MYL6B: variants seen among roughly 807,000 people sequenced by gnomAD.
The protein encoded by MYL6B is myosin light chain 6B.
In MYL6B, 19 loss-of-function variants were observed where a neutral mutation model predicts 24.5. The ratio of observed to expected loss-of-function variants is 0.78; its 90% confidence interval spans 0.54 to 1.14. MYL6B has a LOEUF of 1.14. Among genes scored for constraint, MYL6B ranks in the 50% most tolerant of loss-of-function variants. MYL6B has a pLI of 0.00. For synonymous variants in MYL6B, 90 were observed against 100.7 expected (o/e 0.89, Z 0.64); for missense variants, 230 against 263.8 (o/e 0.87, Z 0.89).
intron 5 of MYL6B, 197 bp from the exon 6 acceptor site, chr12:56,157,271 C>T: frequency 3.6e-6 from 2 of 553,330 alleles, no homozygotes; most frequent in Non-Finnish European, 6.5e-6. Context: ...GTAATCCCAG[C>T]TACTCGGGAG....
At chr12:56,157,292 G>A (rs911458424) in intron 5 of MYL6B, 176 bp from the exon 6 acceptor site, 1 of 599,148 alleles carries the variant, frequency 1.7e-6, no homozygotes, top group Admixed American at 3.0e-5. Context: ...GGTGAGGCAG[G>A]AGAATCGCGT....
intron 1 of MYL6B, among the ~76,000 whole-genome samples, chr12:56,152,844 TACCTA>T (rs1348333613): frequency 2.0e-5 from 3 of 152,098 alleles, no homozygotes; most frequent in African/African-American, 7.2e-5. Context: ...CTCAGAATGC[TACCTA>T]AATCCTTTCC....
chr12:56,153,948 G>C, exon 2 of MYL6B: 1 of 1,613,768 alleles, frequency 6.2e-7, no homozygotes, highest in Non-Finnish European at 8.5e-7. Context: ...TTCCCGTGAA[G>C]AAACCAGCAG....
At chr12:56,157,674 C>A in intron 6 of MYL6B, 24 bp from the exon 7 acceptor site, 1 of 1,613,280 alleles carries the variant, frequency 6.2e-7, no homozygotes, top group Admixed American at 1.7e-5. Context: ...CTTCTGAAGC[C>A]CCTCTTGCCT....
At chr12:56,153,780 A>C in intron 1 of MYL6B, 93 bp from the exon 2 acceptor site, 12 of 834,538 alleles carry the variant, frequency 1.4e-5, no homozygotes, top group East Asian at 2.7e-5. Flanking sequence ...AGGCGGTTAT[A>C]TCTCTCCTCT....
exon 6 of MYL6B, chr12:56,157,483 A>G (rs199563517): frequency 6.2e-7 from 1 of 1,613,956 alleles, no homozygotes; most frequent in Non-Finnish European, 8.5e-7. Context: ...AAGATGACTG[A>G]GGAGGAGGTG....
chr12:56,155,821 G>C, intron 5 of MYL6B: 2 of 1,441,564 alleles, frequency 1.4e-6, no homozygotes, highest in South Asian at 2.7e-5. Flanking sequence ...CGGGAAACCT[G>C]AATTTTCATT....
intron 1 of MYL6B, 120 bp from the exon 2 acceptor site, chr12:56,153,753 G>A: frequency 2.9e-6 from 2 of 688,460 alleles, no homozygotes; most frequent in Non-Finnish European, 4.8e-6. Context: ...ACCATAGGAG[G>A]CCAGGGGAGT....
intron 5 of MYL6B, 125 bp from the exon 6 acceptor site, chr12:56,157,343 C>T (rs887211804): frequency 1.2e-6 from 1 of 844,230 alleles, no homozygotes; most frequent in South Asian, 1.7e-5. Flanking sequence ...GAGATCGCTC[C>T]GCTCCACTGC....
At chr12:56,157,602 G>C in intron 6 of MYL6B, 57 bp downstream of exon 6, 1 of 1,613,188 alleles carries the variant, frequency 6.2e-7, no homozygotes, top group Non-Finnish European at 8.5e-7. Flanking sequence ...CTGGCGTCTT[G>C]CCGCGTGTGG....
intron 1 of MYL6B, 61 bp from the exon 2 acceptor site, chr12:56,153,812 A>G (rs1871199969): frequency 2.2e-5 from 27 of 1,209,968 alleles, no homozygotes; most frequent in Non-Finnish European, 2.9e-5. Flanking sequence ...GCCACAGCCA[A>G]CTGGCTCCCT....
intron 2 of MYL6B, 111 bp downstream of exon 2, chr12:56,154,203 G>A (rs1871220985): frequency 1.8e-6 from 2 of 1,132,380 alleles, no homozygotes; most frequent in Non-Finnish European, 2.5e-6. Flanking sequence ...GCCCTGGAAT[G>A]AGATTGGGGC....
chr12:56,154,740 G>C (rs1036275094), intron 2 of MYL6B, 73 bp from the exon 3 acceptor site: 17 of 1,545,930 alleles, frequency 1.1e-5, no homozygotes, highest in Non-Finnish European at 1.4e-5. Context: ...GTGGCTGCCA[G>C]TTGGTTGGGA....
chr12:56,155,846 T>C, intron 5 of MYL6B: 1 of 1,381,950 alleles, frequency 7.2e-7, no homozygotes, highest in South Asian at 1.4e-5. Context: ...AAGAGACGTG[T>C]GGGTTGTGTG....
At chr12:56,157,809 G>T in exon 7 of MYL6B, 1 of 1,540,438 alleles carries the variant, frequency 6.5e-7, no homozygotes, top group South Asian at 1.1e-5. Flanking sequence ...ACATAGAAAA[G>T]CAGCGGAGTT....
At position 56,157,561 on chromosome 12, in the gene MYL6B, A is replaced by G. The variant is rs1871378570; in HGVS notation, c.598+16A>G. 18 of 1,613,420 alleles carry G rather than the reference A, an allele frequency of 1.1e-5. No individual in the cohort carries two copies. The highest frequency in any genetic ancestry group is 1.5e-5 in the Non-Finnish European group (18 of 1,179,778). On this transcript the variant is annotated intron_variant, in intron 6 of 6. Coordinates refer to ENST00000553066, the Ensembl canonical transcript of MYL6B. The stretch of plus-strand genomic sequence containing the variant: ...AACTACGAGGGTGAGGGGACAAAAA[A>G]GCGGGAGCGGGGCCGAGGGAGGAGG...
At position 56,154,840 on chromosome 12, in the gene MYL6B, G is replaced by A. The variant is rs549333424; in HGVS notation, c.202G>A (p.Glu68Lys). 27 of 1,612,656 alleles carry A rather than the reference G, an allele frequency of 1.7e-5. 1 individual carries two copies. The South Asian group carries it at 2.7e-4, about 16-fold the overall frequency. Residue 68 changes from glutamate (E) to lysine (K), a missense_variant and splice_region_variant, in exon 3 of 7, where the codon GAG becomes AAG. Coordinates refer to ENST00000553066, the Ensembl canonical transcript of MYL6B. The stretch of plus-strand genomic sequence containing the variant: ...CGAGTTTAACAAGGACCAGCTGGAG[G>A]GTGAGGAGAAGCTCATCTAAGGCCA...
chr12:56,153,484 A>G, intron 1 of MYL6B: 2 of 987,082 alleles, frequency 2.0e-6, no homozygotes, highest in Non-Finnish European at 2.4e-6. Flanking sequence ...AACTTGTTCC[A>G]GTTCACACAA....
chr12:56,154,881 T>C, intron 3 of MYL6B, 41 bp downstream of exon 3: 1 of 1,598,662 alleles, frequency 6.3e-7, no homozygotes, highest in South Asian at 1.1e-5. Flanking sequence ...CCATCCCCAA[T>C]CCCCTGGTCA....
Sources: allele counts gnomAD v4.1 joint callset (sites outside exome capture counted in the v4.1 genomes callset), GRCh38; gene constraint gnomAD v4.1.1; transcripts MANE v1.5; gene names NCBI Gene and HGNC (gene_info 2026-07-23, HGNC 2026-07-21).